The following RAP1A variants were observed in gnomAD, a reference collection of about 807,000 sequenced individuals.
The protein encoded by RAP1A is ras-related protein Rap-1A.
RAP1A carries 6 observed loss-of-function variants against 26.4 expected under a neutral mutation model. The observed-to-expected ratio is 0.23, with a 90% confidence interval of 0.12 to 0.45. The LOEUF (loss-of-function observed/expected upper bound fraction) is 0.45, where lower values mean the gene tolerates loss of function less well. Among genes scored for constraint, RAP1A ranks in the 20% least tolerant of loss-of-function variants. The probability of loss-of-function intolerance (pLI) is 0.99; values close to 1 mark genes in which losing one functional copy is unlikely to be tolerated. For synonymous variants in RAP1A, 73 were observed against 79.4 expected, an observed-to-expected ratio of 0.92 and a Z score of 0.43; for missense variants, 121 against 217.2, an observed-to-expected ratio of 0.56 and a Z score of 2.78.
chr1:111,690,573 C>T (rs777819297), intron 1 of RAP1A, among the ~76,000 whole-genome samples: 80 of 152,346 alleles, frequency 5.3e-4, no homozygotes, highest in East Asian at 9.6e-4. Context: ...TCCTACACTG[C>T]TTATTATCCA....
Position 111,561,633 on chromosome 1 carries a change from G to A in RAP1A, c.-28+19124G>A, listed in dbSNP as rs142583090. Among the ~76,000 whole-genome samples, 442 of 152,164 alleles carry A rather than the reference G, an allele frequency of 2.9e-3. 2 individuals are homozygous for A. Among genetic ancestry groups the A allele is most frequent in the South Asian group, 6.0e-3 (29 of 4,814 alleles). On this transcript the variant is annotated intron_variant, in intron 1 of 7. Transcript: ENST00000356415. ...GGTCACAGAATTTTATTCAATCATA[G>A]GCCATTACTCTTCTCTCCTACTGCT...
At chr1:111,559,379 C>G (rs1305058038) in intron 1 of RAP1A, among the ~76,000 whole-genome samples, 1 of 152,138 alleles carries the variant, frequency 6.6e-6, no homozygotes, top group African/African-American at 2.4e-5. Context: ...TACGATTCAG[C>G]AGTGACCTAA....
intron 1 of RAP1A, among the ~76,000 whole-genome samples, chr1:111,652,901 G>T (rs540175516): frequency 6.6e-6 from 1 of 152,140 alleles, no homozygotes. Context: ...GTTATCTTAC[G>T]ACCCAGCAGT....
At chr1:111,687,801 C>T (rs2101231311) in intron 1 of RAP1A, among the ~76,000 whole-genome samples, 1 of 151,950 alleles carries the variant, frequency 6.6e-6, no homozygotes, top group Admixed American at 6.5e-5. Context: ...AGCCTTTGAG[C>T]CCAGGAGTTT....
chr1:111,599,485 G>A (rs781455349), intron 1 of RAP1A, among the ~76,000 whole-genome samples: 11 of 152,158 alleles, frequency 7.2e-5, no homozygotes, highest in Non-Finnish European at 1.5e-4. Flanking sequence ...GATTACAGGC[G>A]TGAGCCACCA....
At chr1:111,632,955 C>G (rs1659618433) in intron 1 of RAP1A, among the ~76,000 whole-genome samples, 1 of 150,308 alleles carries the variant, frequency 6.7e-6, no homozygotes, top group South Asian at 2.1e-4. Context: ...GATACTGCAG[C>G]CTGCAGGGAC....
At position 111,561,926 on chromosome 1, in the gene RAP1A, T is replaced by TCTCCCTACTGCATTTACC. The variant is rs573828321; in HGVS notation, c.-28+19428_-28+19445dup. Among the ~76,000 whole-genome samples, 372 of 152,202 alleles carry TCTCCCTACTGCATTTACC rather than the reference T, an allele frequency of 2.4e-3. 1 individual carries two copies. The highest frequency in any genetic ancestry group is 8.4e-3 in the African/African-American group (349 of 41,536). On this transcript the variant is annotated intron_variant, in intron 1 of 7. Transcript: ENST00000356415. ...CCCCATCTCCTCCTTGCCCCTGGCCTCTCCCTACTGCATTTACCCTCCCTA... is the reference window on the plus strand; with the variant it reads ...CCCCATCTCCTCCTTGCCCCTGGCCTCTCCCTACTGCATTTACCCTCCCTACTGCATTTACCCTCCCTA...
At chr1:111,665,828 A>G (rs80325822) in intron 1 of RAP1A, among the ~76,000 whole-genome samples, 3,743 of 152,252 alleles carry the variant, frequency 0.025, 138 homozygotes, top group African/African-American at 0.085. Context: ...CCAGTATTAA[A>G]CATTTAGGAG....
chr1:111,716,250 T>C lies in RAP1A; in HGVS notation c.*3849T>C, dbSNP rs564640684. ...CATCTTGCCGAGAGGGAAATAAATG[T>C]GAGCTTTGAGGCGGTCTAACTACCC... is the stretch of plus-strand genomic sequence containing the variant. On this transcript the variant is annotated 3_prime_UTR_variant, in exon 8 of 8. Transcript: ENST00000369709. 6 of 152,304 alleles carry C rather than the reference T, an allele frequency of 3.9e-5. No individual in the cohort carries two copies. The highest frequency in any genetic ancestry group is 1.4e-4 in the African/African-American group (6 of 41,572). 9.4% of individuals were successfully genotyped at this position (152,304 alleles called of 1,614,324 possible).
intron 1 of RAP1A, chr1:111,650,615 T>G (rs1208562154): frequency 6.6e-6 from 1 of 152,184 alleles, no homozygotes; most frequent in Non-Finnish European, 1.5e-5. Flanking sequence ...CCCCCACACA[T>G]GCATAGTCTC....
At position 111,703,418 on chromosome 1, in the gene RAP1A, C is replaced by T. The variant is rs750039775; in HGVS notation, c.266C>T (p.Thr89Met). 6.2e-7 allele frequency: 1 copy of T among 1,606,794 alleles called. No homozygotes were observed. Reference protein sequence around the residue: ...ALVYSITAQSTFNDLQDLREQ... With the variant: ...ALVYSITAQSMFNDLQDLREQ... Reference sequence around the variant, plus strand: ...GTATATTCTATTACAGCTCAGTCCACGTTTAACGACTTACAGGACCTGAGG... The same window carrying T: ...GTATATTCTATTACAGCTCAGTCCATGTTTAACGACTTACAGGACCTGAGG... The change falls in exon 5 of 8, where the codon ACG becomes ATG. Residue 89 changes from threonine (T) to methionine (M), a missense_variant. Transcript: ENST00000369709.
At chr1:111,670,627 C>T (rs1660944542) in intron 1 of RAP1A, among the ~76,000 whole-genome samples, 3 of 152,050 alleles carry the variant, frequency 2.0e-5, no homozygotes, top group Admixed American at 2.0e-4. Flanking sequence ...AATGAAACAT[C>T]AACAAAGCCA....
chr1:111,611,665 G>C (rs1305409803), intron 1 of RAP1A, among the ~76,000 whole-genome samples: 1 of 148,262 alleles, frequency 6.7e-6, no homozygotes, highest in Non-Finnish European at 1.5e-5. Context: ...GGGAACTGAA[G>C]CTCAGAACGG....
intron 1 of RAP1A, among the ~76,000 whole-genome samples, chr1:111,558,746 T>C (rs1331178856): frequency 6.6e-6 from 1 of 152,150 alleles, no homozygotes; most frequent in Non-Finnish European, 1.5e-5. Flanking sequence ...AAATTTAAAC[T>C]ATGTAAAGTA....
At chr1:111,686,752 G>C (rs1193276045) in intron 1 of RAP1A, 1 of 147,306 alleles carries the variant, frequency 6.8e-6, no homozygotes, top group Non-Finnish European at 1.5e-5. Context: ...AAAAGTTTGA[G>C]AACTGGACTA....
intron 1 of RAP1A, among the ~76,000 whole-genome samples, chr1:111,657,962 TGTA>T (rs1418753500): frequency 6.6e-6 from 1 of 152,224 alleles, no homozygotes; most frequent in Non-Finnish European, 1.5e-5. Context: ...AATTTAATTC[TGTA>T]GTAGTCAGAA....
intron 1 of RAP1A, among the ~76,000 whole-genome samples, chr1:111,687,208 ATT>A (rs35277322): frequency 0.065 from 8,485 of 131,148 alleles, 198 homozygotes; most frequent in Non-Finnish European, 0.07. Flanking sequence ...ATTGAGTTGA[ATT>A]TTTTTTTTTT....
At chr1:111,553,275 A>C (rs529366167) in intron 1 of RAP1A, among the ~76,000 whole-genome samples, 78 of 152,366 alleles carry the variant, frequency 5.1e-4, no homozygotes, top group African/African-American at 1.8e-3. Flanking sequence ...AGAAGATTTG[A>C]GTTTCCTAGG....
intron 1 of RAP1A, among the ~76,000 whole-genome samples, chr1:111,637,544 C>A (rs902822223): frequency 6.6e-6 from 1 of 152,122 alleles, no homozygotes; most frequent in African/African-American, 2.4e-5. Flanking sequence ...AGAATGCATG[C>A]AATAAGCCAA....
Sources: allele counts gnomAD v4.1 joint callset (sites outside exome capture counted in the v4.1 genomes callset), GRCh38; gene constraint gnomAD v4.1.1; transcripts MANE v1.5; gene names NCBI Gene and HGNC (gene_info 2026-07-23, HGNC 2026-07-21).